The following MBD5 variants were observed in gnomAD, a reference collection of about 807,000 sequenced individuals.
MBD5 encodes methyl-CpG-binding domain protein 5.
In MBD5, 13 loss-of-function variants were observed where a neutral mutation model predicts 117.3. The observed-to-expected ratio is 0.11, with a 90% CI of 0.07 to 0.18. The LOEUF is 0.18. Among genes scored for constraint, MBD5 ranks in the 10% least tolerant of loss-of-function variants. The pLI, the probability that MBD5 is intolerant of heterozygous loss-of-function variation, is 1.00. For missense variants in MBD5, 1,879 were observed against 2,093.8 expected (o/e 0.90, Z 2.00); for synonymous variants, 727 against 766.4 (o/e 0.95, Z 0.85).
At chr2:148,203,921 T>C (rs1057447198) in intron 2 of MBD5, among the ~76,000 whole-genome samples, 7 of 152,210 alleles carry the variant, frequency 4.6e-5, no homozygotes, top group African/African-American at 7.2e-5. Context: ...CCAAGACTGC[T>C]TCTGTTCATG....
intron 1 of MBD5, among the ~76,000 whole-genome samples, chr2:148,090,427 A>T (rs536130471): frequency 6.6e-6 from 1 of 152,238 alleles, no homozygotes; most frequent in African/African-American, 2.4e-5. Flanking sequence ...ATGAACATAG[A>T]TGCAAAAATT....
chr2:148,410,983 G>A (rs1705229195), intron 4 of MBD5, among the ~76,000 whole-genome samples: 1 of 152,064 alleles, frequency 6.6e-6, no homozygotes, highest in African/African-American at 2.4e-5. Flanking sequence ...TAACCAATAG[G>A]TAGTTTTTTG....
Position 148,021,404 on chromosome 2 carries a change from A to AGAG in MBD5, c.-1198_-1196dup. 2 of 495,506 alleles carry AGAG rather than the reference A, an allele frequency of 4.0e-6. No individual in the cohort carries two copies. Among genetic ancestry groups the AGAG allele is most frequent in the South Asian group, 3.2e-5 (2 of 62,936 alleles). 30.7% of individuals were successfully genotyped at this position (495,506 alleles called of 1,614,324 possible). A position where few individuals can be genotyped will look rare whatever the true frequency, so the allele number is the denominator to read the frequency against. On this transcript the variant is annotated 5_prime_UTR_variant, in exon 1 of 14. Coordinates refer to ENST00000642680, the MANE Select transcript of MBD5 (RefSeq NM_001378120.1). ...TCCACCCTCCTCCTCTTTGGCCGTGAGAGGAGGAGAGAAAGAAACCAAAAG... is the reference window on the plus strand; with the variant it reads ...TCCACCCTCCTCCTCTTTGGCCGTGAGAGGAGGAGGAGAGAAAGAAACCAAAAG...
chr2:148,393,895 G>T (rs1195214932), intron 4 of MBD5, among the ~76,000 whole-genome samples: 1 of 152,152 alleles, frequency 6.6e-6, no homozygotes, highest in Non-Finnish European at 1.5e-5. Context: ...TGGCATGTTG[G>T]GGGCAATAGG....
Position 148,513,007 on chromosome 2 carries a change from G to T in MBD5, c.*66G>T. 1 of 1,385,412 alleles carries T rather than the reference G, an allele frequency of 7.2e-7. No homozygotes were observed. Among genetic ancestry groups the T allele is most frequent in the Non-Finnish European group, 1.0e-6 (1 of 973,094 alleles). The allele number at this position is 1,385,412 out of a possible 1,614,324, so 85.8% of individuals were successfully genotyped here. A position where few individuals can be genotyped will look rare whatever the true frequency, so the allele number is the denominator to read the frequency against. ...CATGCACAGATGTATCTGTATATAG[G>T]TATTGATATAGCCACAGTTATATCA... is the stretch of plus-strand genomic sequence containing the variant. On this transcript the variant is annotated 3_prime_UTR_variant, in exon 14 of 14. Coordinates refer to ENST00000642680, the MANE Select transcript of MBD5 (RefSeq NM_001378120.1).
At chr2:148,438,950 A>T (rs573731495) in intron 4 of MBD5, among the ~76,000 whole-genome samples, 24 of 152,302 alleles carry the variant, frequency 1.6e-4, no homozygotes, top group African/African-American at 4.1e-4. Flanking sequence ...CACTAAAAAT[A>T]ATGTTTTACT....
chr2:148,206,123 C>T (rs1350286718), intron 2 of MBD5, among the ~76,000 whole-genome samples: 1 of 108,422 alleles, frequency 9.2e-6, no homozygotes. Context: ...GACCCTGTCT[C>T]AAAAAAAAAA....
intron 3 of MBD5, among the ~76,000 whole-genome samples, chr2:148,322,844 A>C (rs1702319776): frequency 6.6e-6 from 1 of 151,828 alleles, no homozygotes; most frequent in African/African-American, 2.4e-5. Flanking sequence ...ATCTTTATTT[A>C]TTTATTTATT....
rs34980624 is a variant in MBD5 at position 148,239,686 on chromosome 2, T to TAC, written c.-680+6323_-680+6324dup. Among the ~76,000 whole-genome samples, 516 of 141,490 alleles carry TAC rather than the reference T, an allele frequency of 3.6e-3. 3 individuals are homozygous for TAC. The highest frequency in any genetic ancestry group is 0.019 in the Middle Eastern group (5 of 270). 92.8% of individuals were successfully genotyped at this position (141,490 alleles called of 152,430 possible). A position where few individuals can be genotyped will look rare whatever the true frequency, so the allele number is the denominator to read the frequency against. ...AATGAACAAGTTTATTTTATTTACT[T>TAC]ACACACACACACACACACACACACA... is the stretch of plus-strand genomic sequence containing the variant. On this transcript the variant is annotated intron_variant, in intron 3 of 13. Coordinates refer to ENST00000642680, the MANE Select transcript of MBD5 (RefSeq NM_001378120.1).
At chr2:148,481,019 G>C (rs1326616283) in intron 8 of MBD5, among the ~76,000 whole-genome samples, 1 of 151,454 alleles carries the variant, frequency 6.6e-6, no homozygotes, top group Non-Finnish European at 1.5e-5. Flanking sequence ...CAATAATGAT[G>C]ATAACTCCTT....
intron 4 of MBD5, among the ~76,000 whole-genome samples, chr2:148,409,817 G>A (rs2105166407): frequency 6.6e-6 from 1 of 152,182 alleles, no homozygotes; most frequent in Admixed American, 6.5e-5. Flanking sequence ...CACTCAACAT[G>A]TTCTTTGACT....
At chr2:148,091,787 C>T (rs1014482931) in intron 1 of MBD5, among the ~76,000 whole-genome samples, 2 of 151,980 alleles carry the variant, frequency 1.3e-5, no homozygotes, top group Admixed American at 6.6e-5. Flanking sequence ...GCAAATGCAA[C>T]AAAAACAAAA....
chr2:148,169,200 C>A (rs1698199696), intron 1 of MBD5, among the ~76,000 whole-genome samples: 1 of 151,958 alleles, frequency 6.6e-6, no homozygotes, highest in East Asian at 1.9e-4. Context: ...CTTTCATGTT[C>A]ACTTGATCTT....
intron 11 of MBD5, among the ~76,000 whole-genome samples, chr2:148,497,706 G>T (rs1681743674): frequency 6.6e-6 from 1 of 150,450 alleles, no homozygotes; most frequent in Admixed American, 6.7e-5. Flanking sequence ...GATCACTTGA[G>T]TTCTGGAATT....
chr2:148,057,283 C>T (rs890375560), intron 1 of MBD5, among the ~76,000 whole-genome samples: 5 of 151,686 alleles, frequency 3.3e-5, no homozygotes, highest in Non-Finnish European at 5.9e-5. Flanking sequence ...TGACTTTTAA[C>T]TTTTAAATTT....
At chr2:148,453,205 C>A (rs1488122455) in intron 4 of MBD5, among the ~76,000 whole-genome samples, 1 of 152,062 alleles carries the variant, frequency 6.6e-6, no homozygotes, top group Admixed American at 6.6e-5. Flanking sequence ...GAGAGTACCC[C>A]TAGAGTTTAC....
chr2:148,173,568 C>T (rs1320618694), intron 1 of MBD5, among the ~76,000 whole-genome samples: 6 of 152,100 alleles, frequency 3.9e-5, no homozygotes, highest in Admixed American at 1.3e-4. Flanking sequence ...CAGGCAAAGG[C>T]GCCACTAGCC....
At chr2:148,143,984 G>A (rs1472913670) in intron 1 of MBD5, among the ~76,000 whole-genome samples, 2 of 152,020 alleles carry the variant, frequency 1.3e-5, no homozygotes, top group East Asian at 1.9e-4. Context: ...GGGATGGCTG[G>A]GTCAAATGGT....
At chr2:148,458,915 C>A in intron 5 of MBD5, 44 bp downstream of exon 5, 1 of 1,482,684 alleles carries the variant, frequency 6.7e-7, no homozygotes, top group Non-Finnish European at 9.4e-7. Context: ...AGTTGTACTC[C>A]AAAGACTAAG....
Sources: gnomAD v4.1 joint callset for allele counts (sites outside exome capture counted in the v4.1 genomes callset) on GRCh38, gnomAD v4.1.1 for gene constraint, MANE v1.5 for transcripts, NCBI Gene and HGNC (gene_info 2026-07-23, HGNC 2026-07-21) for gene names.